The following STIM2 variants were observed in gnomAD, a reference collection of about 807,000 sequenced individuals.
STIM2 encodes stromal interaction molecule 2.
A neutral mutation model predicts 85.8 loss-of-function variants in STIM2; 31 were observed. That is an observed-to-expected ratio of 0.36 (90% CI 0.27 to 0.49). The LOEUF (loss-of-function observed/expected upper bound fraction) is 0.49. STIM2 is among the 20% of genes least tolerant of loss of function. STIM2 has a pLI of 0.98. For synonymous variants in STIM2, 356 were observed against 331.1 expected, an observed-to-expected ratio of 1.08 and a Z score of -0.82; for missense variants, 841 against 927.6, an observed-to-expected ratio of 0.91 and a Z score of 1.21.
chr4:26,882,859 A>G (rs535085142), intron 1 of STIM2, among the ~76,000 whole-genome samples: 3 of 143,378 alleles, frequency 2.1e-5, no homozygotes, highest in South Asian at 4.4e-4. Context: ...TTTTATTGAG[A>G]TGGAATCTCC....
chr4:26,885,821 TTATA>T lies in STIM2; in HGVS notation c.151+24502_151+24505del, dbSNP rs56851120. Among the ~76,000 whole-genome samples, 400 of 84,188 alleles carry T rather than the reference TTATA, an allele frequency of 4.8e-3. 1 individual carries two copies. The highest frequency in any genetic ancestry group is 6.1e-3 in the African/African-American group (170 of 27,698). The allele number at this position is 84,188 out of a possible 152,430, so 55.2% of individuals were successfully genotyped here. ...ATGAAGCCAAATTTAGCACCTCAGG[TTATA>T]TATATATATATATATATATATATAT... is the stretch of plus-strand genomic sequence containing the variant. On this transcript the variant is annotated intron_variant, in intron 1 of 11. Coordinates refer to ENST00000467087, the MANE Select transcript of STIM2 (RefSeq NM_020860.4).
At chr4:26,942,112 G>A (rs947292071) in intron 2 of STIM2, among the ~76,000 whole-genome samples, 1 of 152,100 alleles carries the variant, frequency 6.6e-6, no homozygotes, top group Admixed American at 6.6e-5. Context: ...TACGATTGGG[G>A]TTGGGAAGTT....
intron 1 of STIM2, among the ~76,000 whole-genome samples, chr4:26,875,700 T>C (rs781083985): frequency 2.0e-5 from 3 of 152,186 alleles, no homozygotes; most frequent in Non-Finnish European, 2.9e-5. Flanking sequence ...AGACATGACA[T>C]ATTTATAGAC....
chr4:26,940,302 C>G lies in STIM2; in HGVS notation c.283-17310C>G, dbSNP rs567527337. The stretch of plus-strand genomic sequence containing the variant: ...TTTTTATCTTTGGGCCTCTTTCTTT[C>G]ACTTCCTAGGACATTTTATTCAGGC... On this transcript the variant is annotated intron_variant, in intron 2 of 11. Transcript: ENST00000467087. Among the ~76,000 whole-genome samples the G allele has an allele frequency of 2.0e-5, 3 of 152,266 alleles. No individual in the cohort carries two copies. The South Asian group carries it at 6.2e-4, about 32-fold the overall frequency.
chr4:27,009,874 A>G (rs753657511), intron 10 of STIM2, among the ~76,000 whole-genome samples: 4 of 152,262 alleles, frequency 2.6e-5, no homozygotes, highest in African/African-American at 9.6e-5. Flanking sequence ...TTTGAAAACT[A>G]TAGCTTTTAA....
Position 26,912,708 on chromosome 4 carries a change from C to T in STIM2, c.152-6796C>T, listed in dbSNP as rs1372081389. On this transcript the variant is annotated intron_variant, in intron 1 of 11. Coordinates refer to ENST00000467087, the MANE Select transcript of STIM2 (RefSeq NM_020860.4). Reference sequence around the variant, plus strand: ...TCAATATGATCTTTTATTTCTGTCCCCACTATCATTTCTATAGTTTATATT... The same window carrying T: ...TCAATATGATCTTTTATTTCTGTCCTCACTATCATTTCTATAGTTTATATT... Among the ~76,000 whole-genome samples, 4 of 152,268 alleles carry T rather than the reference C, an allele frequency of 2.6e-5. No homozygotes were observed. In the South Asian group the frequency reaches 8.3e-4, roughly 32 times the overall value.
chr4:26,876,823 T>C (rs1053326339), intron 1 of STIM2, among the ~76,000 whole-genome samples: 7 of 152,316 alleles, frequency 4.6e-5, no homozygotes, highest in Admixed American at 2.6e-4. Context: ...TTTAGACTAT[T>C]TGAGTTTATT....
At chr4:26,995,828 C>T (rs926420908) in intron 4 of STIM2, among the ~76,000 whole-genome samples, 2 of 152,040 alleles carry the variant, frequency 1.3e-5, no homozygotes, top group African/African-American at 2.4e-5. Context: ...TTTATGAACA[C>T]ATCTACTTGA....
intron 2 of STIM2, among the ~76,000 whole-genome samples, chr4:26,944,330 T>C (rs1268793173): frequency 6.6e-6 from 1 of 152,178 alleles, no homozygotes; most frequent in Non-Finnish European, 1.5e-5. Context: ...TTTTATTCCC[T>C]ATTTCCTTAG....
Position 27,022,759 on chromosome 4 carries a change from C to A in STIM2, c.2004C>A (p.Ser668Arg). Residue 668 changes from serine to arginine, a missense_variant, in exon 12 of 12, where the codon AGC (serine) becomes AGA (arginine). Ser to Arg is a moderately radical substitution (Grantham distance 110, BLOSUM62 -1). Coordinates refer to ENST00000467087, the MANE Select transcript of STIM2 (RefSeq NM_020860.4). ...AGAGTATGATCTTCAGTCCTGCAAGCAAAGTGTACAATGGCATTTTGGAGA... is the reference window on the plus strand; with the variant it reads ...AGAGTATGATCTTCAGTCCTGCAAGAAAAGTGTACAATGGCATTTTGGAGA... The A allele has an allele frequency of 6.2e-7, 1 of 1,614,182 alleles. No individual in the cohort carries two copies. Among genetic ancestry groups the A allele is most frequent in the African/African-American group, 1.3e-5 (1 of 75,040 alleles).
chr4:26,880,939 A>G (rs1722994349), intron 1 of STIM2, among the ~76,000 whole-genome samples: 1 of 152,032 alleles, frequency 6.6e-6, no homozygotes, highest in African/African-American at 2.4e-5. Flanking sequence ...ACAAGAGAAT[A>G]AAACAAATTT....
At chr4:26,935,859 C>G (rs1036747092) in intron 2 of STIM2, among the ~76,000 whole-genome samples, 3 of 152,110 alleles carry the variant, frequency 2.0e-5, no homozygotes, top group Non-Finnish European at 4.4e-5. Context: ...TATATTTTTA[C>G]AGTTCTTTTA....
In STIM2 at chr4:27,022,747, C is replaced by T. The variant is rs1247567783; in HGVS notation, c.1992C>T (p.Phe664=). The T allele has an allele frequency of 1.2e-6, 2 of 1,613,972 alleles. No homozygotes were observed. Among genetic ancestry groups the T allele is most frequent in the East Asian group, 2.2e-5 (1 of 44,858 alleles). The change falls in exon 12 of 12, where the codon TTC becomes TTT. Residue 664 remains phenylalanine, a synonymous_variant. Coordinates refer to ENST00000467087, the MANE Select transcript of STIM2 (RefSeq NM_020860.4). ...TGACAGAAACTAAGAGTATGATCTT[C>T]AGTCCTGCAAGCAAAGTGTACAATG...
At chr4:27,011,337 C>G (rs1287458975) in intron 10 of STIM2, among the ~76,000 whole-genome samples, 1 of 152,116 alleles carries the variant, frequency 6.6e-6, no homozygotes, top group African/African-American at 2.4e-5. Flanking sequence ...AATGAGTTAA[C>G]CATAACTTAT....
chr4:26,881,465 C>CAA (rs33990831), intron 1 of STIM2: 23,830 of 120,914 alleles, frequency 0.2, 2,339 homozygotes, highest in East Asian at 0.43. Context: ...GACTCCATCT[C>CAA]AAAAAAAAAA....
At chr4:26,986,758 ACAGTATTATT>A (rs1727599738) in intron 3 of STIM2, among the ~76,000 whole-genome samples, 1 of 152,236 alleles carries the variant, frequency 6.6e-6, no homozygotes, top group Middle Eastern at 3.2e-3. Flanking sequence ...TATCAGGCAG[ACAGTATTATT>A]TATCTTTCAC....
In STIM2 at chr4:27,022,983, A is replaced by G. The variant is rs774717896; in HGVS notation, c.2228A>G (p.Lys743Arg). 1 of 1,611,556 alleles carries G rather than the reference A, an allele frequency of 6.2e-7. No homozygotes were observed. The highest frequency in any genetic ancestry group is 8.5e-7 in the Non-Finnish European group (1 of 1,179,726). ...TCAAAAATCAAAAGCCTTTTTAAGAAGAAATCTAAGTGAACTGGCTGACTT... is the reference window on the plus strand; with the variant it reads ...TCAAAAATCAAAAGCCTTTTTAAGAGGAAATCTAAGTGAACTGGCTGACTT... Residue 743 changes from lysine (K) to arginine (R), a missense_variant, in exon 12 of 12, where the codon AAG becomes AGG. By Grantham distance (26) the Lys-to-Arg change is conservative. Coordinates refer to ENST00000467087, the MANE Select transcript of STIM2 (RefSeq NM_020860.4).
chr4:26,891,168 ACTAGT>A (rs976800457), intron 1 of STIM2, among the ~76,000 whole-genome samples: 27 of 152,366 alleles, frequency 1.8e-4, no homozygotes, highest in Admixed American at 1.6e-3. Flanking sequence ...TTGGTCAAAC[ACTAGT>A]CTAGATGTTG....
In STIM2 at chr4:27,003,034, T is replaced by C; in HGVS notation, c.911T>C (p.Leu304Pro). The C allele has an allele frequency of 1.2e-6, 2 of 1,605,030 alleles. No homozygotes were observed. Among genetic ancestry groups the C allele is most frequent in the South Asian group, 1.1e-5 (1 of 89,240 alleles). Residue 304 changes from leucine to proline, a missense_variant, in exon 7 of 12, where the codon CTG becomes CCG. By Grantham distance (98) the Leu-to-Pro change is moderately conservative. Transcript: ENST00000467087. The stretch of plus-strand genomic sequence containing the variant: ...TATGCAAAGGAGGAGGCTTGTCGGC[T>C]GAGAGAGCTAAGGGAGGGAGCTGAA...
Sources: allele counts gnomAD v4.1 joint callset (sites outside exome capture counted in the v4.1 genomes callset), GRCh38; gene constraint gnomAD v4.1.1; transcripts MANE v1.5; gene names NCBI Gene and HGNC (gene_info 2026-07-23, HGNC 2026-07-21).